The following RNF128 variants were observed in gnomAD, a reference collection of about 807,000 sequenced individuals.
RNF128 encodes ring finger protein 128.
A neutral mutation model predicts 26.2 loss-of-function variants in RNF128; 13 were observed. The ratio of observed to expected loss-of-function variants is 0.50; its 90% CI spans 0.32 to 0.79. The LOEUF (loss-of-function observed/expected upper bound fraction) is 0.79, where lower values mean the gene tolerates loss of function less well. Among genes scored for constraint, RNF128 ranks in the 30% least tolerant of loss-of-function variants. RNF128 has a pLI of 0.03. For missense variants in RNF128, 315 were observed against 349.7 expected (o/e 0.90, Z 0.79); for synonymous variants, 149 against 142.5 (o/e 1.05, Z -0.32).
At chrX:106,786,335 T>C (rs1031830685) in intron 3 of RNF128, among the ~76,000 whole-genome samples, 1 of 111,337 alleles carries the variant, frequency 9.0e-6, no homozygotes, top group Non-Finnish European at 1.9e-5. Flanking sequence ...GATAGCCTTT[T>C]CAGGAGGATA....
At chrX:106,789,043 A>G (rs1467511873) in intron 4 of RNF128, among the ~76,000 whole-genome samples, 1 of 84,808 alleles carries the variant, frequency 1.2e-5, no homozygotes, top group African/African-American at 4.4e-5. Context: ...TATACCATAT[A>G]TTATCTATTA....
intron 3 of RNF128, among the ~76,000 whole-genome samples, chrX:106,787,694 T>G (rs1930681279): frequency 9.0e-6 from 1 of 111,370 alleles, no homozygotes; most frequent in African/African-American, 3.2e-5. Context: ...TGTTTCCCTT[T>G]GTTCTGTTCC....
Position 106,794,237 on chromosome X carries a change from A to G in RNF128, c.1154-1343A>G, listed in dbSNP as rs73531124. ...CATTCTCATCGTTTATCCCTTGCTC[A>G]TATCATCCTAGATTTGGTCATTGGG... On this transcript the variant is annotated intron_variant, in intron 6 of 6. Coordinates refer to ENST00000255499, the MANE Select transcript of RNF128 (RefSeq NM_194463.2). Among the ~76,000 whole-genome samples the G allele has an allele frequency of 9.7e-3, 1,074 of 110,401 alleles. 16 individuals carry two copies. Among genetic ancestry groups the G allele is most frequent in the African/African-American group, 0.033 (1,017 of 30,409 alleles).
At chrX:106,700,407 T>TGCCATTGTA (rs1368481873) in intron 1 of RNF128, among the ~76,000 whole-genome samples, 1 of 111,960 alleles carries the variant, frequency 8.9e-6, no homozygotes, top group Admixed American at 9.5e-5. Flanking sequence ...CTGTCATGTT[T>TGCCATTGTA]GCCATTGTAT....
At chrX:106,730,161 A>G (rs775144296) in intron 1 of RNF128, among the ~76,000 whole-genome samples, 1 of 112,430 alleles carries the variant, frequency 8.9e-6, no homozygotes, top group East Asian at 2.8e-4. Flanking sequence ...TTTAGGAGAA[A>G]GAAACTCCAC....
chrX:106,765,912 C>T (rs1397789957), intron 1 of RNF128, among the ~76,000 whole-genome samples: 1 of 101,504 alleles, frequency 9.9e-6, no homozygotes, highest in Admixed American at 1.1e-4. Flanking sequence ...TGTTCCCCAC[C>T]CTGTGTCCAA....
At chrX:106,696,660 C>T (rs750406005) in intron 1 of RNF128, among the ~76,000 whole-genome samples, 2 of 110,834 alleles carry the variant, frequency 1.8e-5, no homozygotes, top group East Asian at 2.8e-4. Context: ...GGCCCTTGTA[C>T]TCTTCTACTC....
intron 1 of RNF128, among the ~76,000 whole-genome samples, chrX:106,750,270 C>G (rs1158416092): frequency 8.9e-6 from 1 of 112,022 alleles, no homozygotes. Context: ...TACTACTGCA[C>G]CCATGAATGT....
intron 1 of RNF128, among the ~76,000 whole-genome samples, chrX:106,745,294 G>T (rs894938554): frequency 7.2e-5 from 8 of 111,391 alleles, no homozygotes; most frequent in Non-Finnish European, 1.1e-4. Context: ...TGGTAATAAA[G>T]GTGATTTGGG....
At chrX:106,766,164 C>A (rs779421689) in intron 1 of RNF128, among the ~76,000 whole-genome samples, 1 of 111,571 alleles carries the variant, frequency 9.0e-6, no homozygotes, top group East Asian at 2.8e-4. Context: ...TGAATAGTGC[C>A]GAAATAAACA....
At chrX:106,782,253 G>T (rs1423374106) in intron 2 of RNF128, among the ~76,000 whole-genome samples, 1 of 112,444 alleles carries the variant, frequency 8.9e-6, no homozygotes, top group Admixed American at 9.4e-5. Context: ...AAACGATTGT[G>T]AAAGACATCA....
intron 1 of RNF128, among the ~76,000 whole-genome samples, chrX:106,768,508 G>T (rs1363502695): frequency 1.6e-4 from 18 of 110,208 alleles, no homozygotes; most frequent in African/African-American, 3.3e-4. Flanking sequence ...TGCGTAGAGG[G>T]GTTTATAGTA....
At chrX:106,777,962 T>G in intron 2 of RNF128, among the ~76,000 whole-genome samples, 1 of 111,925 alleles carries the variant, frequency 8.9e-6, no homozygotes, top group Non-Finnish European at 1.9e-5. Context: ...AGTGAGACCC[T>G]GTCTTTAAAT....
chrX:106,751,061 C>T (rs1929875601), intron 1 of RNF128, among the ~76,000 whole-genome samples: 1 of 111,504 alleles, frequency 9.0e-6, no homozygotes, highest in Admixed American at 9.5e-5. Context: ...TCATCCCCTC[C>T]ATAGGAACAC....
At chrX:106,711,514 T>C (rs1280501937) in intron 1 of RNF128, among the ~76,000 whole-genome samples, 1 of 111,965 alleles carries the variant, frequency 8.9e-6, no homozygotes, top group Non-Finnish European at 1.9e-5. Context: ...ATTTATTTAT[T>C]GCATATCATA....
intron 6 of RNF128, among the ~76,000 whole-genome samples, chrX:106,791,838 T>C (rs371598132): frequency 8.1e-5 from 9 of 111,442 alleles, no homozygotes; most frequent in African/African-American, 2.9e-4. Context: ...GGGAGTTCTG[T>C]TTTTCCCTAT....
At chrX:106,761,058 CTTAAA>C (rs773844520) in intron 1 of RNF128, among the ~76,000 whole-genome samples, 1 of 111,835 alleles carries the variant, frequency 8.9e-6, no homozygotes, top group East Asian at 2.8e-4. Flanking sequence ...CTTTAAGGAA[CTTAAA>C]TTAACAAGCA....
chrX:106,777,745 G>A (rs191128849), intron 2 of RNF128, among the ~76,000 whole-genome samples: 240 of 111,521 alleles, frequency 2.2e-3, no homozygotes, highest in African/African-American at 7.6e-3. Flanking sequence ...CGAGGCGGGT[G>A]GATCGCTTGA....
chrX:106,786,896 T>C (rs1179547192), intron 3 of RNF128, among the ~76,000 whole-genome samples: 1 of 111,463 alleles, frequency 9.0e-6, no homozygotes, highest in Non-Finnish European at 1.9e-5. Context: ...AAAGCCACAA[T>C]GAAATACAAC....
Sources: allele counts gnomAD v4.1 joint callset (sites outside exome capture counted in the v4.1 genomes callset), GRCh38; gene constraint gnomAD v4.1.1; transcripts MANE v1.5; gene names NCBI Gene and HGNC (gene_info 2026-07-23, HGNC 2026-07-21).